Variants in SHISA6 observed in about 807,000 individuals in gnomAD.
The protein encoded by SHISA6 is protein shisa-6.
Under a neutral mutation model 47.9 loss-of-function variants are expected in SHISA6, and 22 were observed. The ratio of observed to expected loss-of-function variants is 0.46; its 90% confidence interval spans 0.33 to 0.66. The LOEUF is 0.66. Ranked by LOEUF, SHISA6 falls within the 30% of genes least tolerant of loss-of-function variation. The pLI is 0.02. For synonymous variants in SHISA6, 388 were observed against 337.8 expected (o/e 1.15, Z -1.63); for missense variants, 680 against 764.6 (o/e 0.89, Z 1.30).
At chr17:11,474,922 A>G (rs576899114) in intron 3 of SHISA6, among the ~76,000 whole-genome samples, 2 of 152,304 alleles carry the variant, frequency 1.3e-5, no homozygotes, top group South Asian at 2.1e-4. Flanking sequence ...CATTGAATCT[A>G]TAGATCAAGT....
chr17:11,402,766 A>G (rs921512118), intron 3 of SHISA6, among the ~76,000 whole-genome samples: 2 of 152,230 alleles, frequency 1.3e-5, no homozygotes, highest in Admixed American at 6.5e-5. Flanking sequence ...CAATTAGTGG[A>G]TATGATGAGA....
At position 11,334,006 on chromosome 17, in the gene SHISA6, C is replaced by T. The variant is rs150990138; in HGVS notation, c.800-45408C>T. 1.0e-3 allele frequency among the ~76,000 whole-genome samples: 152 copies of T among 152,320 alleles called. 1 individual carries two copies. In the East Asian group the frequency reaches 0.016, roughly 16 times the overall value. On this transcript the variant is annotated intron_variant, in intron 2 of 5. Transcript: ENST00000441885. Reference sequence around the variant, plus strand: ...CATACATTGCCCTGTGCATCTATTCCATCTGGCTGTTCCTGGGTTTTCTCC... The same window carrying T: ...CATACATTGCCCTGTGCATCTATTCTATCTGGCTGTTCCTGGGTTTTCTCC...
chr17:11,550,070 T>C (rs73288819), intron 3 of SHISA6, among the ~76,000 whole-genome samples: 3,367 of 151,212 alleles, frequency 0.022, 128 homozygotes, highest in East Asian at 0.076. Context: ...TTTTTTTTTT[T>C]CCGAGACGAA....
At chr17:11,366,108 G>A (rs1410402984) in intron 2 of SHISA6, among the ~76,000 whole-genome samples, 1 of 152,202 alleles carries the variant, frequency 6.6e-6, no homozygotes, top group East Asian at 1.9e-4. Flanking sequence ...GAAGCTGGCA[G>A]GGCCATGGTG....
intron 3 of SHISA6, among the ~76,000 whole-genome samples, chr17:11,532,108 A>G (rs2071739064): frequency 6.6e-6 from 1 of 152,214 alleles, no homozygotes; most frequent in African/African-American, 2.4e-5. Flanking sequence ...AGAAAATTTC[A>G]TAGGGTGGAG....
intron 3 of SHISA6, among the ~76,000 whole-genome samples, chr17:11,390,394 C>A (rs903614632): frequency 2.0e-5 from 3 of 152,134 alleles, no homozygotes; most frequent in Admixed American, 6.5e-5. Context: ...GGTAGCCCTT[C>A]ATGTTGTTGG....
intron 2 of SHISA6, among the ~76,000 whole-genome samples, chr17:11,263,918 G>C (rs1908335535): frequency 6.6e-6 from 1 of 152,194 alleles, no homozygotes; most frequent in Admixed American, 6.5e-5. Context: ...TGTAGAGCCT[G>C]CTCAACTATT....
chr17:11,325,284 T>TAGA (rs1256591721), intron 2 of SHISA6, among the ~76,000 whole-genome samples: 2 of 152,232 alleles, frequency 1.3e-5, no homozygotes, highest in Non-Finnish European at 2.9e-5. Context: ...GCACGAGCTC[T>TAGA]AGAAACAGGA....
chr17:11,312,648 G>C lies in SHISA6; in HGVS notation c.799+49122G>C, dbSNP rs192296189. On this transcript the variant is annotated intron_variant, in intron 2 of 5. Transcript: ENST00000441885. ...CATATAAAACAATATAAGCATATAT[G>C]GTTTTGTCAAAATGAAGTAATATCA... Among the ~76,000 whole-genome samples, 565 of 152,118 alleles carry C rather than the reference G, an allele frequency of 3.7e-3. 2 individuals are homozygous for C. The highest frequency in any genetic ancestry group is 0.013 in the African/African-American group (537 of 41,498).
chr17:11,374,739 G>A (rs1166191146), intron 2 of SHISA6, among the ~76,000 whole-genome samples: 1 of 151,840 alleles, frequency 6.6e-6, no homozygotes, highest in Non-Finnish European at 1.5e-5. Context: ...AATAGTACTA[G>A]CACTTAATAC....
intron 3 of SHISA6, among the ~76,000 whole-genome samples, chr17:11,401,882 C>G (rs569544790): frequency 1.1e-4 from 17 of 152,130 alleles, no homozygotes; most frequent in Non-Finnish European, 1.8e-4. Context: ...TAATCTTTCT[C>G]CAGATTTATA....
intron 3 of SHISA6, among the ~76,000 whole-genome samples, chr17:11,519,655 A>G (rs1008251306): frequency 2.6e-5 from 4 of 152,104 alleles, no homozygotes; most frequent in African/African-American, 9.7e-5. Context: ...TATGTTATAT[A>G]TATTTTTTCA....
chr17:11,444,878 T>C (rs1054653611), intron 3 of SHISA6, among the ~76,000 whole-genome samples: 1 of 152,192 alleles, frequency 6.6e-6, no homozygotes, highest in Non-Finnish European at 1.5e-5. Flanking sequence ...GTTGTATACA[T>C]CTGGCTATCA....
intron 3 of SHISA6, among the ~76,000 whole-genome samples, chr17:11,544,179 T>C (rs551956197): frequency 1.3e-5 from 2 of 152,214 alleles, no homozygotes; most frequent in South Asian, 2.1e-4. Flanking sequence ...CTAAGCTTGA[T>C]ACCAGAAGCA....
chr17:11,288,680 G>A (rs1909411834), intron 2 of SHISA6: 1 of 152,124 alleles, frequency 6.6e-6, no homozygotes, highest in South Asian at 2.1e-4. Context: ...TATTCCTGTT[G>A]TGAATTCTGT....
chr17:11,391,072 C>T (rs896813025), intron 3 of SHISA6, among the ~76,000 whole-genome samples: 7 of 152,100 alleles, frequency 4.6e-5, no homozygotes, highest in East Asian at 1.9e-4. Context: ...AAGAAAGTGA[C>T]GGGCTGAGAA....
intron 3 of SHISA6, among the ~76,000 whole-genome samples, chr17:11,397,395 C>CTGTGTGTGTGTGTG (rs3034221): frequency 0.084 from 11,769 of 140,290 alleles, 830 homozygotes; most frequent in African/African-American, 0.19. Context: ...TTACCTGCCT[C>CTGTGTGTGTGTGTG]TGTGTGTGTG....
intron 3 of SHISA6, among the ~76,000 whole-genome samples, chr17:11,411,921 T>C (rs1914132520): frequency 6.6e-6 from 1 of 152,218 alleles, no homozygotes; most frequent in Non-Finnish European, 1.5e-5. Flanking sequence ...TTTTCCTTAA[T>C]TCATAAATGC....
chr17:11,504,164 C>T (rs1215275735), intron 3 of SHISA6, among the ~76,000 whole-genome samples: 1 of 152,052 alleles, frequency 6.6e-6, no homozygotes, highest in East Asian at 1.9e-4. Flanking sequence ...TAAGAAAGTG[C>T]TTGTATATGA....
Sources: allele counts gnomAD v4.1 joint callset (sites outside exome capture counted in the v4.1 genomes callset), GRCh38; gene constraint gnomAD v4.1.1; transcripts MANE v1.5; gene names NCBI Gene and HGNC (gene_info 2026-07-23, HGNC 2026-07-21).